Variants in DMXL1 observed in about 807,000 individuals in gnomAD.
DMXL1 encodes Dmx like 1.
In DMXL1, 99 loss-of-function variants were observed where a neutral mutation model predicts 319.2. The observed-to-expected ratio is 0.31, with a 90% CI of 0.26 to 0.37. The LOEUF (loss-of-function observed/expected upper bound fraction) is 0.37. Ranked by LOEUF, DMXL1 falls within the 10% of genes least tolerant of loss-of-function variation. The probability of loss-of-function intolerance (pLI) is 1.00; values close to 1 mark genes in which losing one functional copy is unlikely to be tolerated. For synonymous variants in DMXL1, 1,385 were observed against 1,235.2 expected, an observed-to-expected ratio of 1.12 and a Z score of -2.54; for missense variants, 3,745 against 3,595.6, an observed-to-expected ratio of 1.04 and a Z score of -1.06.
intron 1 of DMXL1, among the ~76,000 whole-genome samples, chr5:119,086,056 CA>C (rs1753286950): frequency 6.6e-6 from 1 of 152,066 alleles, no homozygotes; most frequent in South Asian, 2.1e-4. Context: ...GAGCAAGTTA[CA>C]AAAGAGGTTT....
chr5:119,224,402 A>G (rs1418219489), intron 37 of DMXL1, among the ~76,000 whole-genome samples: 1 of 152,052 alleles, frequency 6.6e-6, no homozygotes, highest in African/African-American at 2.4e-5. Context: ...AACTTACACT[A>G]TTCAGGATTA....
chr5:119,220,951 T>A lies in DMXL1; in HGVS notation c.8147T>A (p.Phe2716Tyr). 2 of 1,613,218 alleles carry A rather than the reference T, an allele frequency of 1.2e-6. No homozygotes were observed. Among genetic ancestry groups the A allele is most frequent in the Non-Finnish European group, 1.7e-6 (2 of 1,179,636 alleles). ...ACATTCCTTTATAGATCAGAAGATT[T>A]CTTGGTTATACATGCTCGTGATGAT... is the stretch of plus-strand genomic sequence containing the variant. ...IEVETKGSED[F>Y]LVIHARDDLT... The change falls in exon 37 of 44, where the codon TTC (phenylalanine) becomes TAC (tyrosine). Residue 2716 changes from phenylalanine (F) to tyrosine (Y), a missense_variant. Physicochemically the swap from Phe to Tyr is conservative, Grantham distance 22. Transcript: ENST00000539542.
chr5:119,132,900 C>A, intron 10 of DMXL1: 1 of 592,034 alleles, frequency 1.7e-6, no homozygotes, highest in South Asian at 2.0e-5. Flanking sequence ...TCAAAGTATG[C>A]TCTGGAGCAT....
At chr5:119,175,111 G>T in intron 25 of DMXL1, 150 bp from the exon 26 acceptor site, 13 of 516,078 alleles carry the variant, frequency 2.5e-5, no homozygotes, top group East Asian at 3.4e-5. Flanking sequence ...AGATAAAAAT[G>T]AGTGTTGTAG....
rs114068361 is a variant in DMXL1 at position 119,192,252 on chromosome 5, G to C, written c.7315-1576G>C. Among the ~76,000 whole-genome samples the C allele has an allele frequency of 9.7e-3, 1,479 of 152,256 alleles. 12 individuals are homozygous for C. Among genetic ancestry groups the C allele is most frequent in the Middle Eastern group, 0.034 (10 of 294 alleles). ...TCTTATTTCCTCCTGTTATAATGGA[G>C]AAAGTCCTTCTATCAGACACCTTTT... On this transcript the variant is annotated intron_variant, in intron 29 of 43. Coordinates refer to ENST00000539542, the MANE Select transcript of DMXL1 (RefSeq NM_001290321.3).
At chr5:119,217,267 T>C (rs762799424) in intron 35 of DMXL1, among the ~76,000 whole-genome samples, 2 of 152,192 alleles carry the variant, frequency 1.3e-5, no homozygotes, top group Non-Finnish European at 2.9e-5. Flanking sequence ...CAATGTACTA[T>C]AGTAGTTAAC....
chr5:119,222,495 A>G lies in DMXL1; in HGVS notation c.8277+1414A>G, dbSNP rs558695383. 1.4e-4 allele frequency among the ~76,000 whole-genome samples: 22 copies of G among 152,364 alleles called. No individual in the cohort carries two copies. The South Asian group carries it at 4.6e-3, about 32-fold the overall frequency. ...ATTATATTCTTTTAAAGGAGAACTC[A>G]AAGGGAATATATGCCAAAGAAGTGC... On this transcript the variant is annotated intron_variant, in intron 37 of 43. Transcript: ENST00000539542.
intron 28 of DMXL1, among the ~76,000 whole-genome samples, chr5:119,181,987 G>A (rs371029852): frequency 6.6e-6 from 1 of 152,132 alleles, no homozygotes; most frequent in South Asian, 2.1e-4. Flanking sequence ...TCAATATAAA[G>A]TAACGTTCAG....
intron 19 of DMXL1, among the ~76,000 whole-genome samples, chr5:119,161,056 T>C (rs1022680203): frequency 6.6e-6 from 1 of 152,208 alleles, no homozygotes; most frequent in African/African-American, 2.4e-5. Flanking sequence ...TCTCGTGTAT[T>C]TGCTTTGGGG....
intron 33 of DMXL1, among the ~76,000 whole-genome samples, chr5:119,204,180 C>G (rs548359030): frequency 6.6e-6 from 1 of 152,212 alleles, no homozygotes; most frequent in Admixed American, 6.5e-5. Context: ...CTCTGTCACA[C>G]AGGTTGGAGT....
At chr5:119,206,554 A>T (rs1390615843) in intron 33 of DMXL1, 5 of 228,074 alleles carry the variant, frequency 2.2e-5, no homozygotes, top group African/African-American at 1.1e-4. Context: ...TCGTGCTTTA[A>T]TGTCAACATT....
At chr5:119,107,559 T>C (rs892624240) in intron 4 of DMXL1, among the ~76,000 whole-genome samples, 9 of 152,222 alleles carry the variant, frequency 5.9e-5, no homozygotes, top group African/African-American at 2.2e-4. Flanking sequence ...ATCTGTAATA[T>C]CTAATTCTTA....
At chr5:119,120,447 C>G (rs1761795804) in intron 8 of DMXL1, among the ~76,000 whole-genome samples, 1 of 152,188 alleles carries the variant, frequency 6.6e-6, no homozygotes, top group African/African-American at 2.4e-5. Context: ...CTATATAGAC[C>G]ATTTTATCAT....
chr5:119,077,754 A>AGTGTTTGTGTGTGTGT (rs376449707), intron 1 of DMXL1, among the ~76,000 whole-genome samples: 1 of 125,336 alleles, frequency 8.0e-6, no homozygotes, highest in Non-Finnish European at 1.7e-5. Flanking sequence ...TTATTTTTTA[A>AGTGTTTGTGTGTGTGT]GTGTGTGTGT....
At chr5:119,107,397 A>G (rs1418541931) in intron 4 of DMXL1, among the ~76,000 whole-genome samples, 7 of 152,154 alleles carry the variant, frequency 4.6e-5, no homozygotes. Flanking sequence ...AGAGAGATAT[A>G]AAACTATTGG....
chr5:119,165,965 G>A (rs1773355776), intron 21 of DMXL1, among the ~76,000 whole-genome samples: 1 of 152,198 alleles, frequency 6.6e-6, no homozygotes, highest in Non-Finnish European at 1.5e-5. Context: ...AAATGGTGGA[G>A]TCTGGAACAG....
chr5:119,173,047 A>G (rs1774906047), intron 25 of DMXL1, among the ~76,000 whole-genome samples: 1 of 152,148 alleles, frequency 6.6e-6, no homozygotes, highest in African/African-American at 2.4e-5. Flanking sequence ...GCTGCTTAAG[A>G]ACTGTCCTGA....
intron 30 of DMXL1, 46 bp downstream of exon 30, chr5:119,194,016 A>G (rs1779164604): frequency 3.1e-6 from 4 of 1,300,166 alleles, no homozygotes; most frequent in South Asian, 1.7e-5. Context: ...ATAATGGTGT[A>G]TATAAATAAT....
intron 15 of DMXL1, among the ~76,000 whole-genome samples, chr5:119,145,587 T>C (rs1439188247): frequency 6.6e-6 from 1 of 151,820 alleles, no homozygotes; most frequent in East Asian, 1.9e-4. Flanking sequence ...GTTAATATTG[T>C]TAACAATTTA....
Sources: gnomAD v4.1 joint callset for allele counts (sites outside exome capture counted in the v4.1 genomes callset) on GRCh38, gnomAD v4.1.1 for gene constraint, MANE v1.5 for transcripts, NCBI Gene and HGNC (gene_info 2026-07-23, HGNC 2026-07-21) for gene names.